Variants in MRTFB observed in about 807,000 individuals in gnomAD.
MRTFB encodes myocardin related transcription factor B, also known as myocardin-related transcription factor B.
MRTFB carries 29 observed loss-of-function variants against 104.2 expected under a neutral mutation model. The ratio of observed to expected loss-of-function variants is 0.28; its 90% CI spans 0.21 to 0.38. The LOEUF is 0.38. Ranked by LOEUF, MRTFB falls within the 10% of genes least tolerant of loss-of-function variation. The pLI is 1.00. For missense variants in MRTFB, 1,270 were observed against 1,341.6 expected, an observed-to-expected ratio of 0.95 and a Z score of 0.83; for synonymous variants, 535 against 519.5, an observed-to-expected ratio of 1.03 and a Z score of -0.41.
intron 7 of MRTFB, 56 bp from the exon 8 acceptor site, chr16:14,218,764 A>G: frequency 6.7e-7 from 1 of 1,490,552 alleles, no homozygotes. Context: ...CCTTCACATT[A>G]AGCTTGGTAT....
intron 4 of MRTFB, 47 bp downstream of exon 4, chr16:14,210,355 C>T (rs143866437): frequency 1.4e-5 from 20 of 1,459,162 alleles, no homozygotes; most frequent in East Asian, 1.2e-4. Flanking sequence ...CAGAACATGA[C>T]GGGCGTGTCC....
In MRTFB at chr16:14,202,963, A is replaced by T. The variant is rs947139055; in HGVS notation, c.155-7280A>T. 2.6e-5 allele frequency among the ~76,000 whole-genome samples: 4 copies of T among 152,324 alleles called. No homozygotes were observed. In the East Asian group the frequency reaches 5.8e-4, roughly 22 times the overall value. ...AAACAATGCATAATAAATGTTTGCCAAAGTCCAACCACTTCATTCTCTTAA... is the reference window on the plus strand; with the variant it reads ...AAACAATGCATAATAAATGTTTGCCTAAGTCCAACCACTTCATTCTCTTAA... On this transcript the variant is annotated intron_variant, in intron 3 of 16. Transcript: ENST00000571589.
At position 14,252,472 on chromosome 16, in the gene MRTFB, G is replaced by C. The variant is rs1161070153; in HGVS notation, c.2673G>C (p.Gln891His). 1.2e-6 allele frequency: 2 copies of C among 1,613,920 alleles called. No homozygotes were observed. Among genetic ancestry groups the C allele is most frequent in the Admixed American group, 1.7e-5 (1 of 59,998 alleles). The part of the protein sequence containing the change: ...DPPRYEEAIK[Q>H]TRSTQAPLPE... ...CCCGCTATGAGGAGGCCATCAAGCAGACACGCAGCACACAGGCCCCTCTGC... is the reference window on the plus strand; with the variant it reads ...CCCGCTATGAGGAGGCCATCAAGCACACACGCAGCACACAGGCCCCTCTGC... Residue 891 changes from glutamine (Q) to histidine (H), a missense_variant, in exon 15 of 17, where the codon CAG becomes CAC. Gln to His is a conservative substitution (Grantham distance 24). Around this residue, in one of 3 missense-constraint regions of MRTFB, gnomAD observed 1,144 missense variants for 1,131.5 expected, o/e 1.01. Transcript: ENST00000571589.
chr16:14,163,608 C>T (rs1281216377), intron 3 of MRTFB, among the ~76,000 whole-genome samples: 1 of 152,004 alleles, frequency 6.6e-6, no homozygotes, highest in Non-Finnish European at 1.5e-5. Flanking sequence ...GAGGCAGGCG[C>T]ATCACCTGAG....
intron 4 of MRTFB, 28 bp downstream of exon 4, chr16:14,210,336 C>T: frequency 6.3e-7 from 1 of 1,582,344 alleles, no homozygotes; most frequent in South Asian, 1.1e-5. Flanking sequence ...ACTGCCATCC[C>T]TAACGTGACA....
At chr16:14,028,223 A>ACAAAACAAAACAAAACAAAACAAAC in the MRTFB span, among the ~76,000 whole-genome samples, 3 of 151,898 alleles carry the variant, frequency 2.0e-5, no homozygotes, top group Non-Finnish European at 4.4e-5. Context: ...ACAAAACAAA[A>ACAAAACAAAACAAAACAAAACAAAC]CAAACCAAGT....
chr16:14,023,133 C>A, the MRTFB span, among the ~76,000 whole-genome samples: 276 of 152,202 alleles, frequency 1.8e-3, 2 homozygotes, highest in Non-Finnish European at 6.2e-4. Context: ...ACCCGCAGAG[C>A]TGGTTTACAA....
At chr16:14,126,561 C>T (rs561620310) in intron 2 of MRTFB, among the ~76,000 whole-genome samples, 54 of 152,132 alleles carry the variant, frequency 3.5e-4, no homozygotes, top group Middle Eastern at 3.4e-3. Context: ...ATAATCGATG[C>T]GGGAAACCAA....
At chr16:14,147,329 A>T (rs1180285350) in intron 3 of MRTFB, among the ~76,000 whole-genome samples, 2 of 152,218 alleles carry the variant, frequency 1.3e-5, no homozygotes, top group Non-Finnish European at 2.9e-5. Flanking sequence ...GGCAGCTCTC[A>T]TACTTTTTGT....
intron 3 of MRTFB, among the ~76,000 whole-genome samples, chr16:14,162,335 C>T (rs1014841012): frequency 6.6e-6 from 1 of 150,804 alleles, no homozygotes; most frequent in African/African-American, 2.5e-5. Flanking sequence ...CTGTTTCCCC[C>T]TCTCTTTCCC....
chr16:14,017,787 C>G, the MRTFB span, among the ~76,000 whole-genome samples: 1 of 139,518 alleles, frequency 7.2e-6, no homozygotes, highest in Non-Finnish European at 1.5e-5. Flanking sequence ...GTGATCACAG[C>G]TCACTGCAAC....
chr16:14,009,749 A>G, the MRTFB span: 1 of 152,106 alleles, frequency 6.6e-6, no homozygotes, highest in Non-Finnish European at 1.5e-5. Flanking sequence ...TCCCCCCAAC[A>G]ACGTGAGTTT....
At chr16:14,096,163 G>A (rs181782238) in intron 2 of MRTFB, among the ~76,000 whole-genome samples, 56 of 152,046 alleles carry the variant, frequency 3.7e-4, no homozygotes, top group Non-Finnish European at 4.9e-4. Flanking sequence ...TGCAACCTCC[G>A]CCTCCTGGGT....
the MRTFB span, among the ~76,000 whole-genome samples, chr16:14,053,576 C>G: frequency 6.6e-6 from 1 of 151,766 alleles, no homozygotes; most frequent in Non-Finnish European, 1.5e-5. Flanking sequence ...ACTAAAAATA[C>G]AAAAATTAGC....
At chr16:14,201,490 A>T (rs1191191197) in intron 3 of MRTFB, among the ~76,000 whole-genome samples, 1 of 152,168 alleles carries the variant, frequency 6.6e-6, no homozygotes, top group Non-Finnish European at 1.5e-5. Flanking sequence ...TTCCTGGGGA[A>T]ATTTCTTAGA....
At chr16:14,021,565 C>T in the MRTFB span, among the ~76,000 whole-genome samples, 1 of 152,154 alleles carries the variant, frequency 6.6e-6, no homozygotes, top group African/African-American at 2.4e-5. Context: ...TGTTTTATCC[C>T]TCATCCCCTT....
chr16:14,200,717 G>A, intron 3 of MRTFB: 1 of 1,524,576 alleles, frequency 6.6e-7, no homozygotes. Context: ...TGTGTCAGAG[G>A]CTGAATCAGG....
At chr16:14,235,698 T>C (rs933849792) in intron 9 of MRTFB, among the ~76,000 whole-genome samples, 3 of 152,156 alleles carry the variant, frequency 2.0e-5, no homozygotes, top group African/African-American at 7.2e-5. Context: ...TGGGGGCTGA[T>C]AGGTAGTAGC....
intron 3 of MRTFB, among the ~76,000 whole-genome samples, chr16:14,171,553 T>G (rs2039423621): frequency 2.0e-5 from 3 of 152,026 alleles, no homozygotes; most frequent in Non-Finnish European, 4.4e-5. Flanking sequence ...TATCACTGTA[T>G]ATATTAAAAA....
Sources: gnomAD v4.1 joint callset for allele counts (sites outside exome capture counted in the v4.1 genomes callset) on GRCh38, gnomAD v4.1.1 for gene constraint, gnomAD v4.1.1 regional missense constraint, MANE v1.5 for transcripts, NCBI Gene and HGNC (gene_info 2026-07-23, HGNC 2026-07-21) for gene names.